Variants in MSH4 observed in about 807,000 individuals in gnomAD.
MSH4 encodes the protein mutS protein homolog 4.
A neutral mutation model predicts 113.7 loss-of-function variants in MSH4; 106 were observed. The observed-to-expected ratio is 0.93, with a 90% CI of 0.80 to 1.10. The LOEUF is 1.10. MSH4 is among the 50% of genes least tolerant of loss of function. The pLI, the probability that MSH4 is intolerant of heterozygous loss-of-function variation, is 0.00. For missense variants in MSH4, 1,061 were observed against 1,093.7 expected (o/e 0.97, Z 0.42); for synonymous variants, 368 against 380.2 (o/e 0.97, Z 0.37).
At position 75,843,817 on chromosome 1, in the gene MSH4, C is replaced by CT. The variant is rs951781563; in HGVS notation, c.1163-4381dup. 8.7e-3 allele frequency among the ~76,000 whole-genome samples: 1,272 copies of CT among 146,284 alleles called. 17 individuals carry two copies. Among genetic ancestry groups the CT allele is most frequent in the African/African-American group, 0.028 (1,128 of 40,256 alleles). On this transcript the variant is annotated intron_variant, in intron 7 of 19. Transcript: ENST00000263187. Reference sequence around the variant, plus strand: ...AAACATTTTCTTATTTTGTGGGTTTCTTTTTTTTTTTGAGATGGAGTTTCA... The same window carrying CT: ...AAACATTTTCTTATTTTGTGGGTTTCTTTTTTTTTTTTGAGATGGAGTTTCA...
chr1:75,830,133 T>C (rs569273454), intron 7 of MSH4, among the ~76,000 whole-genome samples: 3 of 152,230 alleles, frequency 2.0e-5, no homozygotes, highest in Admixed American at 6.5e-5. Context: ...CGAGAACTTC[T>C]TGATGCGTGC....
Position 75,815,081 on chromosome 1 carries a change from A to C in MSH4, c.760A>C (p.Ile254Leu). Residue 254 changes from isoleucine to leucine, a missense_variant, in exon 5 of 20, where the codon ATT becomes CTT. Ile to Leu is a conservative substitution (Grantham distance 5). Transcript: ENST00000263187. ...YFNETKGLEY[I>L]EQLCIAEFST... Reference sequence around the variant, plus strand: ...CAATGAAACAAAAGGATTAGAGTACATTGAACAGTTATGCATAGCAGAATT... The same window carrying C: ...CAATGAAACAAAAGGATTAGAGTACCTTGAACAGTTATGCATAGCAGAATT... 6.2e-7 allele frequency: 1 copy of C among 1,608,046 alleles called. No individual in the cohort carries two copies. Among genetic ancestry groups the C allele is most frequent in the Non-Finnish European group, 8.5e-7 (1 of 1,176,842 alleles).
intron 1 of MSH4, among the ~76,000 whole-genome samples, chr1:75,803,046 C>T (rs1297117291): frequency 6.6e-6 from 1 of 152,008 alleles, no homozygotes; most frequent in Non-Finnish European, 1.5e-5. Context: ...GCCCTCATGC[C>T]CCATCACCTC....
intron 8 of MSH4, among the ~76,000 whole-genome samples, chr1:75,856,034 A>G (rs1651308318): frequency 6.6e-6 from 1 of 152,154 alleles, no homozygotes; most frequent in African/African-American, 2.4e-5. Context: ...TTTTTGCACT[A>G]GACAATTTCT....
chr1:75,801,525 G>T (rs1012642719), intron 1 of MSH4, among the ~76,000 whole-genome samples: 1 of 146,958 alleles, frequency 6.8e-6, no homozygotes, highest in Non-Finnish European at 1.5e-5. Flanking sequence ...CTGAGATTGC[G>T]CCATTGCACT....
intron 7 of MSH4, among the ~76,000 whole-genome samples, chr1:75,845,606 C>A (rs1498313): frequency 6.6e-6 from 1 of 151,974 alleles, no homozygotes; most frequent in African/African-American, 2.4e-5. Context: ...CCTCAGGCAG[C>A]GTCAGGGCTT....
At chr1:75,907,278 G>T (rs1260527857) in intron 19 of MSH4, among the ~76,000 whole-genome samples, 1 of 151,974 alleles carries the variant, frequency 6.6e-6, no homozygotes, top group Non-Finnish European at 1.5e-5. Flanking sequence ...GCTAGGTATA[G>T]TATTCTCAGT....
At position 75,803,888 on chromosome 1, in the gene MSH4, C is replaced by T. The variant is rs1465158032; in HGVS notation, c.402C>T (p.Ser134=). 4 of 1,553,182 alleles carry T rather than the reference C, an allele frequency of 2.6e-6. No individual in the cohort carries two copies. The highest frequency in any genetic ancestry group is 3.5e-6 in the Non-Finnish European group (4 of 1,153,236). The change falls in exon 2 of 20, where the codon AGC becomes AGT. Residue 134 remains serine (S), a synonymous_variant. Transcript: ENST00000263187. The stretch of plus-strand genomic sequence containing the variant: ...ATCCTCAGAGATCAGGTTATAAGAG[C>T]TGGACACCACAAGTGGGATATTCAG... ...TGNPQRSGYK[S]WTPQVGYSAS...
intron 4 of MSH4, among the ~76,000 whole-genome samples, chr1:75,812,463 G>C (rs182956860): frequency 2.6e-5 from 4 of 152,268 alleles, no homozygotes; most frequent in Admixed American, 2.6e-4. Context: ...AGAGGCCGAG[G>C]AGGGTGGATC....
chr1:75,864,666 C>A (rs1557514819), intron 8 of MSH4, among the ~76,000 whole-genome samples: 1 of 152,156 alleles, frequency 6.6e-6, no homozygotes, highest in African/African-American at 2.4e-5. Flanking sequence ...GATTCTTACT[C>A]ATTTTTCTAT....
At chr1:75,881,951 C>T (rs922599390) in intron 14 of MSH4, among the ~76,000 whole-genome samples, 1 of 151,950 alleles carries the variant, frequency 6.6e-6, no homozygotes, top group Non-Finnish European at 1.5e-5. Flanking sequence ...TGCAAATTTA[C>T]TGGACTAGTA....
At chr1:75,843,685 A>G (rs967154039) in intron 7 of MSH4, among the ~76,000 whole-genome samples, 1 of 152,216 alleles carries the variant, frequency 6.6e-6, no homozygotes, top group African/African-American at 2.4e-5. Flanking sequence ...TTTTAACATA[A>G]TGAATTACCA....
intron 9 of MSH4, among the ~76,000 whole-genome samples, chr1:75,868,742 G>A (rs1651644977): frequency 6.6e-6 from 1 of 152,198 alleles, no homozygotes; most frequent in African/African-American, 2.4e-5. Flanking sequence ...TTATAAAGCA[G>A]AGTTCCCCTG....
intron 8 of MSH4, among the ~76,000 whole-genome samples, chr1:75,862,263 G>T (rs371675480): frequency 1.3e-5 from 2 of 152,308 alleles, no homozygotes; most frequent in African/African-American, 4.8e-5. Flanking sequence ...GCCCTGCCCT[G>T]TTTCGGCTCA....
At chr1:75,883,968 G>A in intron 15 of MSH4, 147 bp downstream of exon 15, 1 of 602,138 alleles carries the variant, frequency 1.7e-6, no homozygotes, top group Non-Finnish European at 2.9e-6. Flanking sequence ...TGTGTCTGTT[G>A]TGTAAACTAT....
chr1:75,898,008 T>C lies in MSH4; in HGVS notation c.2457T>C (p.Asn819=). ...ATTTTGAAGTTCAACATGTAAAGAATACCTCAAGAAATAAAGAAGCAATTT... is the reference window on the plus strand; with the variant it reads ...ATTTTGAAGTTCAACATGTAAAGAACACCTCAAGAAATAAAGAAGCAATTT... ...NMHFEVQHVK[N]TSRNKEAILY... The change falls in exon 18 of 20, where the codon AAT becomes AAC. Residue 819 remains asparagine, a synonymous_variant. Coordinates refer to ENST00000263187, the MANE Select transcript of MSH4 (RefSeq NM_002440.4). 6.2e-7 allele frequency: 1 copy of C among 1,607,870 alleles called. No individual in the cohort carries two copies. Among genetic ancestry groups the C allele is most frequent in the East Asian group, 2.2e-5 (1 of 44,600 alleles).
chr1:75,840,103 C>A (rs535305600), intron 7 of MSH4, among the ~76,000 whole-genome samples: 20 of 152,260 alleles, frequency 1.3e-4, no homozygotes, highest in Non-Finnish European at 2.5e-4. Flanking sequence ...TTGCAGAAGT[C>A]AATGTGGCGA....
At chr1:75,883,170 A>AT (rs1651973122) in intron 14 of MSH4, among the ~76,000 whole-genome samples, 1 of 111,924 alleles carries the variant, frequency 8.9e-6, no homozygotes, top group Non-Finnish European at 2.0e-5. Flanking sequence ...ACACCTGGCT[A>AT]ATTTTTTTTT....
chr1:75,879,111 C>T lies in MSH4; in HGVS notation c.1660C>T (p.Pro554Ser), dbSNP rs765416575. 1 of 1,610,784 alleles carries T rather than the reference C, an allele frequency of 6.2e-7. No individual in the cohort carries two copies. The highest frequency in any genetic ancestry group is 1.1e-5 in the South Asian group (1 of 90,884). Residue 554 changes from proline (P) to serine (S), a missense_variant, in exon 12 of 20, where the codon CCT becomes TCT. Transcript: ENST00000263187. ...DCIALPSDQL[P>S]SEFIKISKVK... ...TATAGCCCTACCTAGTGATCAACTT[C>T]CTTCAGAATTTATTAAGGTTCATTT...
Sources: allele counts gnomAD v4.1 joint callset (sites outside exome capture counted in the v4.1 genomes callset), GRCh38; gene constraint gnomAD v4.1.1; transcripts MANE v1.5; gene names NCBI Gene and HGNC (gene_info 2026-07-23, HGNC 2026-07-21).